LMBR1: variants seen among roughly 807,000 people sequenced by gnomAD.
LMBR1 encodes the protein limb development membrane protein 1, also known as limb region 1 protein homolog.
Under a neutral mutation model 73.9 loss-of-function variants are expected in LMBR1, and 52 were observed. The ratio of observed to expected loss-of-function variants is 0.70; its 90% confidence interval spans 0.56 to 0.89. The LOEUF (loss-of-function observed/expected upper bound fraction) is 0.89, where lower values mean the gene tolerates loss of function less well. Among genes scored for constraint, LMBR1 ranks in the 40% least tolerant of loss-of-function variants. The pLI is 0.00. For synonymous variants in LMBR1, 215 were observed against 209.4 expected, an observed-to-expected ratio of 1.03 and a Z score of -0.23; for missense variants, 539 against 579.8, an observed-to-expected ratio of 0.93 and a Z score of 0.72.
At chr7:156,848,679 C>T (rs1795833598) in intron 1 of LMBR1, among the ~76,000 whole-genome samples, 1 of 152,098 alleles carries the variant, frequency 6.6e-6, no homozygotes, top group African/African-American at 2.4e-5. Context: ...CCCCTGTAAT[C>T]CCAGCACTTT....
At chr7:156,865,966 C>T (rs1011419916) in intron 1 of LMBR1, among the ~76,000 whole-genome samples, 2 of 151,234 alleles carry the variant, frequency 1.3e-5, no homozygotes, top group Non-Finnish European at 2.9e-5. Flanking sequence ...AATGTAAGAG[C>T]TAAACTTGTA....
intron 1 of LMBR1, among the ~76,000 whole-genome samples, chr7:156,879,146 G>C (rs191665963): frequency 1.5e-4 from 23 of 152,266 alleles, no homozygotes; most frequent in African/African-American, 5.1e-4. Context: ...AAAAGATTTT[G>C]TAACTAAGAA....
chr7:156,770,174 C>G (rs1388396927), intron 5 of LMBR1, among the ~76,000 whole-genome samples: 1 of 152,084 alleles, frequency 6.6e-6, no homozygotes, highest in East Asian at 1.9e-4. Flanking sequence ...TGAAATTAAA[C>G]TACAAAAAGT....
chr7:156,885,745 G>C (rs1307482632), intron 1 of LMBR1, among the ~76,000 whole-genome samples: 1 of 152,148 alleles, frequency 6.6e-6, no homozygotes, highest in African/African-American at 2.4e-5. Context: ...CGGGCATGGT[G>C]GCAGGCACCT....
At chr7:156,869,237 T>C (rs1798916810) in intron 1 of LMBR1, among the ~76,000 whole-genome samples, 1 of 152,166 alleles carries the variant, frequency 6.6e-6, no homozygotes, top group Admixed American at 6.5e-5. Flanking sequence ...ACCTGTACTA[T>C]TATATTTGGA....
At chr7:156,717,040 G>A (rs1813365094) in intron 15 of LMBR1, among the ~76,000 whole-genome samples, 1 of 152,112 alleles carries the variant, frequency 6.6e-6, no homozygotes, top group African/African-American at 2.4e-5. Flanking sequence ...TCGGGAGGCT[G>A]GGGTGGGAGG....
chr7:156,810,635 C>T (rs1025274428), intron 4 of LMBR1, among the ~76,000 whole-genome samples: 1 of 151,786 alleles, frequency 6.6e-6, no homozygotes, highest in African/African-American at 2.4e-5. Flanking sequence ...TCAAGTGATC[C>T]ACCCACCCAG....
At chr7:156,761,976 CA>C (rs552712592) in intron 8 of LMBR1, among the ~76,000 whole-genome samples, 157 bp downstream of exon 8, 145 of 104,164 alleles carry the variant, frequency 1.4e-3, no homozygotes, top group African/African-American at 3.2e-3. Context: ...GACTCTGTCT[CA>C]AAAAAAAAAA....
chr7:156,701,179 T>C (rs944950353), intron 15 of LMBR1, among the ~76,000 whole-genome samples: 3 of 152,152 alleles, frequency 2.0e-5, no homozygotes, highest in African/African-American at 7.2e-5. Flanking sequence ...AATAATCACA[T>C]TAGTTATCAG....
At chr7:156,872,819 A>G (rs986282866) in intron 1 of LMBR1, among the ~76,000 whole-genome samples, 5 of 152,182 alleles carry the variant, frequency 3.3e-5, no homozygotes, top group Non-Finnish European at 5.9e-5. Flanking sequence ...TAGTGTGTGG[A>G]GACTCACATC....
chr7:156,680,990 A>G lies in LMBR1; in HGVS notation c.*3088T>C, dbSNP rs931162410. The G allele has an allele frequency of 1.3e-5, 4 of 312,124 alleles. No individual in the cohort carries two copies. The highest frequency in any genetic ancestry group is 2.4e-5 in the Non-Finnish European group (4 of 164,262). 19.3% of individuals were successfully genotyped at this position (312,124 alleles called of 1,614,324 possible). A position where few individuals can be genotyped will look rare whatever the true frequency, so the allele number is the denominator to read the frequency against. On this transcript the variant is annotated 3_prime_UTR_variant, in exon 17 of 17. Coordinates refer to ENST00000353442, the MANE Select transcript of LMBR1 (RefSeq NM_022458.4). Reference sequence around the variant, plus strand: ...TAAACAAAACAATCTGTAAACAAAAATCAATTACTAGTGTGTCCAAATGTT... The same window carrying G: ...TAAACAAAACAATCTGTAAACAAAAGTCAATTACTAGTGTGTCCAAATGTT...
In LMBR1 at chr7:156,718,956, A is replaced by C. The variant is rs563873189; in HGVS notation, c.1225+5156T>G. Among the ~76,000 whole-genome samples, 5 of 151,108 alleles carry C rather than the reference A, an allele frequency of 3.3e-5. No individual in the cohort carries two copies. The South Asian group carries it at 1.1e-3, about 32-fold the overall frequency. The stretch of plus-strand genomic sequence containing the variant: ...AACTACTAGAAGAAAACAGGGAAAA[A>C]CTTCTCAATGGTGGTCTGGGCAATG... On this transcript the variant is annotated intron_variant, in intron 15 of 16. Transcript: ENST00000353442.
intron 15 of LMBR1, among the ~76,000 whole-genome samples, chr7:156,688,987 T>C (rs202020588): frequency 2.0e-5 from 3 of 152,108 alleles, no homozygotes; most frequent in Non-Finnish European, 2.9e-5. Flanking sequence ...GCTTGTAGGG[T>C]AAAAAGACAA....
At chr7:156,863,892 G>A (rs1798074424) in intron 1 of LMBR1, among the ~76,000 whole-genome samples, 1 of 152,150 alleles carries the variant, frequency 6.6e-6, no homozygotes, top group African/African-American at 2.4e-5. Flanking sequence ...GCTCACACCT[G>A]TAATCCCAGC....
In LMBR1 at chr7:156,784,535, T is replaced by C. The variant is rs147658170; in HGVS notation, c.423+11854A>G. Among the ~76,000 whole-genome samples, 313 of 152,316 alleles carry C rather than the reference T, an allele frequency of 2.1e-3. 6 individuals carry two copies. The East Asian group carries it at 0.032, about 16-fold the overall frequency. ...TGCAGCTCCCTTCTCAGCACCCTGC[T>C]TCTGTCTGTCCCTTATGTCCTTCAG... On this transcript the variant is annotated intron_variant, in intron 5 of 16. Transcript: ENST00000353442.
chr7:156,885,267 C>T (rs185637083), intron 1 of LMBR1, among the ~76,000 whole-genome samples: 1 of 151,574 alleles, frequency 6.6e-6, no homozygotes, highest in African/African-American at 2.4e-5. Context: ...GCAGGATAAT[C>T]ACTGGAATCT....
intron 5 of LMBR1, among the ~76,000 whole-genome samples, chr7:156,764,612 T>C (rs529312300): frequency 5.6e-4 from 86 of 152,352 alleles, no homozygotes; most frequent in Non-Finnish European, 9.7e-4. Context: ...TACAATTATC[T>C]AACACAACCA....
intron 1 of LMBR1, among the ~76,000 whole-genome samples, chr7:156,839,613 A>G (rs1416776541): frequency 6.6e-6 from 1 of 152,186 alleles, no homozygotes. Flanking sequence ...TGGCCATATG[A>G]CTGAGAACAA....
intron 5 of LMBR1, among the ~76,000 whole-genome samples, chr7:156,782,148 A>T (rs920164887): frequency 1.3e-5 from 2 of 152,176 alleles, no homozygotes; most frequent in Admixed American, 1.3e-4. Context: ...CATGTGTCAT[A>T]ATTTCCTTCT....
Sources: allele counts gnomAD v4.1 joint callset (sites outside exome capture counted in the v4.1 genomes callset), GRCh38; gene constraint gnomAD v4.1.1; transcripts MANE v1.5; gene names NCBI Gene and HGNC (gene_info 2026-07-23, HGNC 2026-07-21).